The following CD109 variants were observed in gnomAD, a reference collection of about 807,000 sequenced individuals.
The protein encoded by CD109 is CD109 molecule, also known as CD109 antigen.
Under a neutral mutation model 165.8 loss-of-function variants are expected in CD109, and 149 were observed. That is an observed-to-expected ratio of 0.90 (90% CI 0.79 to 1.03). The LOEUF (loss-of-function observed/expected upper bound fraction) is 1.03. CD109 is among the 50% of genes least tolerant of loss of function. The pLI, the probability that CD109 is intolerant of heterozygous loss-of-function variation, is 0.00. For synonymous variants in CD109, 585 were observed against 592.1 expected (o/e 0.99, Z 0.18); for missense variants, 1,712 against 1,677.8 (o/e 1.02, Z -0.36).
chr6:73,803,525 T>TGTG (rs1327007251), intron 24 of CD109, among the ~76,000 whole-genome samples: 2 of 151,128 alleles, frequency 1.3e-5, no homozygotes, highest in African/African-American at 4.9e-5. Flanking sequence ...ATCCTCTTTT[T>TGTG]TGTGTGTGTG....
chr6:73,720,722 G>A (rs554470635), intron 2 of CD109, among the ~76,000 whole-genome samples: 14 of 152,052 alleles, frequency 9.2e-5, no homozygotes, highest in Non-Finnish European at 2.1e-4. Flanking sequence ...ATAATATTTT[G>A]CTAACCAAAA....
At chr6:73,739,553 T>C (rs1772681011) in intron 5 of CD109, among the ~76,000 whole-genome samples, 1 of 152,176 alleles carries the variant, frequency 6.6e-6, no homozygotes, top group African/African-American at 2.4e-5. Flanking sequence ...AATATTTATT[T>C]TCAAGAAAGT....
At chr6:73,732,996 T>A (rs1413189135) in intron 4 of CD109, among the ~76,000 whole-genome samples, 5 of 152,194 alleles carry the variant, frequency 3.3e-5, no homozygotes, top group Admixed American at 2.0e-4. Context: ...GTGGCCATGC[T>A]CCTGTCTCTG....
Position 73,696,281 on chromosome 6 carries a change from G to A in CD109, c.66G>A (p.Val22=). 6.6e-7 allele frequency: 1 copy of A among 1,526,528 alleles called. No individual in the cohort carries two copies. Among genetic ancestry groups the A allele is most frequent in the Non-Finnish European group, 8.8e-7 (1 of 1,142,522 alleles). The allele number at this position is 1,526,528 out of a possible 1,614,324, so 94.6% of individuals were successfully genotyped here. ...LLCVCTAALA[V]APGPRFLVTA... ...GCGTGTGCACCGCCGCGCTGGCCGT[G>A]GCTCCCGGGTAGGAACGTGGGCGCG... The change falls in exon 1 of 33, where the codon GTG becomes GTA. Residue 22 remains valine (V), a synonymous_variant. Transcript: ENST00000287097.
intron 22 of CD109, among the ~76,000 whole-genome samples, chr6:73,789,578 C>T (rs1240885234): frequency 2.0e-5 from 3 of 151,484 alleles, no homozygotes; most frequent in Non-Finnish European, 4.4e-5. Context: ...CACAGCCTCC[C>T]GAGTAGTTGG....
intron 2 of CD109, among the ~76,000 whole-genome samples, chr6:73,722,796 G>C (rs1384267598): frequency 1.3e-5 from 2 of 152,102 alleles, no homozygotes; most frequent in African/African-American, 4.8e-5. Context: ...CATCACCCCA[G>C]TACTCACGAG....
intron 23 of CD109, among the ~76,000 whole-genome samples, chr6:73,794,809 T>C (rs1775098035): frequency 6.6e-6 from 1 of 152,176 alleles, no homozygotes; most frequent in African/African-American, 2.4e-5. Context: ...GGGATATTTG[T>C]AGAGATCCAG....
chr6:73,766,933 A>C lies in CD109; in HGVS notation c.1435-15A>C, dbSNP rs1427934889. ...TGCTTTTGATATGTACATATTAATTAAGGTTTTTTTCTAGGTGGGATCGCC... is the reference window on the plus strand; with the variant it reads ...TGCTTTTGATATGTACATATTAATTCAGGTTTTTTTCTAGGTGGGATCGCC... On this transcript the variant is annotated splice_polypyrimidine_tract_variant and intron_variant, in intron 12 of 32. Coordinates refer to ENST00000287097, the MANE Select transcript of CD109 (RefSeq NM_133493.5). 1 of 1,612,890 alleles carries C rather than the reference A, an allele frequency of 6.2e-7. No homozygotes were observed. Among genetic ancestry groups the C allele is most frequent in the Non-Finnish European group, 8.5e-7 (1 of 1,179,172 alleles).
chr6:73,788,362 C>T, intron 21 of CD109, 106 bp from the exon 22 acceptor site: 2 of 907,102 alleles, frequency 2.2e-6, no homozygotes, highest in Non-Finnish European at 3.2e-6. Context: ...TAGCCACACA[C>T]AAACCTCAGA....
At chr6:73,679,604 A>G in the CD109 span, among the ~76,000 whole-genome samples, 1 of 151,004 alleles carries the variant, frequency 6.6e-6, no homozygotes, top group Non-Finnish European at 1.5e-5. Context: ...GAGAAAAATC[A>G]TAGATGTTTT....
In CD109 at chr6:73,745,306, T is replaced by C. The variant is rs956486298; in HGVS notation, c.633+8798T>C. Reference sequence around the variant, plus strand: ...TTTTAGTAGAGACAGGGTTTCACCATGTTGGCCAGGCTGGTCTTGAACTCT... The same window carrying C: ...TTTTAGTAGAGACAGGGTTTCACCACGTTGGCCAGGCTGGTCTTGAACTCT... On this transcript the variant is annotated intron_variant, in intron 5 of 32. Coordinates refer to ENST00000287097, the MANE Select transcript of CD109 (RefSeq NM_133493.5). 5.9e-5 allele frequency among the ~76,000 whole-genome samples: 9 copies of C among 152,140 alleles called. 1 individual carries two copies. The East Asian group carries it at 1.7e-3, about 29-fold the overall frequency.
chr6:73,746,942 A>T (rs1172963610), intron 5 of CD109, among the ~76,000 whole-genome samples: 2 of 152,188 alleles, frequency 1.3e-5, no homozygotes, highest in Admixed American at 6.5e-5. Flanking sequence ...CTCCCTCCTC[A>T]CACTCAGTAG....
chr6:73,790,902 A>C (rs115849290), intron 22 of CD109, among the ~76,000 whole-genome samples: 227 of 152,032 alleles, frequency 1.5e-3, no homozygotes, highest in African/African-American at 5.2e-3. Context: ...TTGACACACA[A>C]AATTAACCCT....
chr6:73,721,596 C>T (rs970347493), intron 2 of CD109, among the ~76,000 whole-genome samples: 1 of 151,990 alleles, frequency 6.6e-6, no homozygotes, highest in East Asian at 1.9e-4. Context: ...AATCTCCTGA[C>T]CTCATGATCC....
intron 28 of CD109, 72 bp downstream of exon 28, chr6:73,811,219 A>T (rs1486874162): frequency 6.8e-7 from 1 of 1,480,566 alleles, no homozygotes; most frequent in Non-Finnish European, 9.1e-7. Flanking sequence ...CTTTATTTGT[A>T]ATCTGTTGAT....
At chr6:73,717,812 G>T (rs1240386445) in intron 2 of CD109, among the ~76,000 whole-genome samples, 1 of 151,026 alleles carries the variant, frequency 6.6e-6, no homozygotes, top group African/African-American at 2.4e-5. Flanking sequence ...GTAGAGACGG[G>T]GTTTCACCGT....
chr6:73,732,047 A>G (rs1378012306), intron 4 of CD109, among the ~76,000 whole-genome samples: 1 of 152,168 alleles, frequency 6.6e-6, no homozygotes, highest in Admixed American at 6.5e-5. Flanking sequence ...GGTTTTCTGT[A>G]TTTAAACGGA....
chr6:73,685,388 A>C, the CD109 span, among the ~76,000 whole-genome samples: 1 of 151,870 alleles, frequency 6.6e-6, no homozygotes, highest in Non-Finnish European at 1.5e-5. Context: ...ATGCAATCCC[A>C]GTTGTCTATT....
At chr6:73,683,257 G>C in the CD109 span, among the ~76,000 whole-genome samples, 1 of 152,272 alleles carries the variant, frequency 6.6e-6, no homozygotes, top group South Asian at 2.1e-4. Flanking sequence ...ATGCTTTGCT[G>C]CTTAGAAATT....
Sources: allele counts gnomAD v4.1 joint callset (sites outside exome capture counted in the v4.1 genomes callset), GRCh38; gene constraint gnomAD v4.1.1; transcripts MANE v1.5; gene names NCBI Gene and HGNC (gene_info 2026-07-23, HGNC 2026-07-21).